Variants in NR5A1 observed in about 807,000 individuals in gnomAD.
The protein encoded by NR5A1 is steroidogenic factor 1.
In NR5A1, 6 loss-of-function variants were observed where a neutral mutation model predicts 42.7. The observed-to-expected ratio is 0.14, with a 90% confidence interval of 0.08 to 0.28. The LOEUF is 0.28. Ranked by LOEUF, NR5A1 falls within the 10% of genes least tolerant of loss-of-function variation. The probability of loss-of-function intolerance (pLI) is 1.00; values close to 1 mark genes in which losing one functional copy is unlikely to be tolerated. For synonymous variants in NR5A1, 274 were observed against 277.5 expected (o/e 0.99, Z 0.12); for missense variants, 442 against 626.4 (o/e 0.71, Z 3.14).
intron 6 of NR5A1, among the ~76,000 whole-genome samples, chr9:124,486,202 G>A (rs1023166802): frequency 3.3e-5 from 5 of 152,162 alleles, no homozygotes; most frequent in African/African-American, 4.8e-5. Flanking sequence ...GGAAACCCCC[G>A]ACTGCCCCCA....
At chr9:124,490,299 C>G (rs1241331307) in intron 6 of NR5A1, among the ~76,000 whole-genome samples, 1 of 152,218 alleles carries the variant, frequency 6.6e-6, no homozygotes, top group Non-Finnish European at 1.5e-5. Context: ...GGTCTTTTCA[C>G]GATTGGCAAG....
chr9:124,492,350 G>T (rs1315703938), intron 5 of NR5A1, among the ~76,000 whole-genome samples: 2 of 55,380 alleles, frequency 3.6e-5, no homozygotes, highest in African/African-American at 7.3e-5. Context: ...TGACCCCTCC[G>T]CCTGCCTCCT....
Position 124,491,064 on chromosome 9 carries a change from A to T in NR5A1, c.1138+17T>A. The T allele has an allele frequency of 2.4e-6, 3 of 1,243,772 alleles. No individual in the cohort carries two copies. Among genetic ancestry groups the T allele is most frequent in the Non-Finnish European group, 3.2e-6 (3 of 945,052 alleles). The allele number at this position is 1,243,772 out of a possible 1,614,324, so 77.0% of individuals were successfully genotyped here. A position where few individuals can be genotyped will look rare whatever the true frequency, so the allele number is the denominator to read the frequency against. On this transcript the variant is annotated intron_variant, in intron 6 of 6. Transcript: ENST00000373588. ...CTCTGGCTGTCTCCACCTCTCTGTC[A>T]CTGGAGCTGCACTCACCCAGGCTGA...
chr9:124,492,944 G>C (rs1271425880), intron 5 of NR5A1, 86 bp downstream of exon 5: 1 of 1,433,836 alleles, frequency 7.0e-7, no homozygotes, highest in African/African-American at 1.4e-5. Context: ...CGAGAGGCCT[G>C]GGTCCTCCTC....
In NR5A1 at chr9:124,500,852, G is replaced by T; in HGVS notation, c.245-137C>A. ...CTTTCATGGCTCCCACTGACCACAG[G>T]GGAAGTCAGTCTCCTTTGCCTGGCA... is the stretch of plus-strand genomic sequence containing the variant. On this transcript the variant is annotated intron_variant, in intron 3 of 6. Coordinates refer to ENST00000373588, the MANE Select transcript of NR5A1 (RefSeq NM_004959.5). This position sits in a 1 kb window ranked among gnomAD's most constrained non-coding sequence, Gnocchi z 6.9. 7.3e-7 allele frequency: 1 copy of T among 1,374,272 alleles called. No individual in the cohort carries two copies. Among genetic ancestry groups the T allele is most frequent in the Non-Finnish European group, 1.0e-6 (1 of 977,934 alleles). The allele number at this position is 1,374,272 out of a possible 1,614,324, so 85.1% of individuals were successfully genotyped here.
At position 124,500,825 on chromosome 9, in the gene NR5A1, C is replaced by A. The variant is rs1388880150; in HGVS notation, c.245-110G>T. On this transcript the variant is annotated intron_variant, in intron 3 of 6. Coordinates refer to ENST00000373588, the MANE Select transcript of NR5A1 (RefSeq NM_004959.5). The surrounding 1 kb of genome is among the most constrained non-coding windows in gnomAD (Gnocchi z 6.9). ...TGACCGCTCTCTCCCCTGCTCAACA[C>A]CCTTTCATGGCTCCCACTGACCACA... The A allele has an allele frequency of 6.5e-7, 1 of 1,535,156 alleles. No individual in the cohort carries two copies. Among genetic ancestry groups the A allele is most frequent in the Non-Finnish European group, 9.0e-7 (1 of 1,113,610 alleles).
chr9:124,485,586 C>T (rs1832195826), intron 6 of NR5A1, among the ~76,000 whole-genome samples: 1 of 152,188 alleles, frequency 6.6e-6, no homozygotes, highest in Admixed American at 6.5e-5. Flanking sequence ...GCACTTTCTT[C>T]CTCACTTCCC....
chr9:124,486,299 C>T (rs760548838), intron 6 of NR5A1, among the ~76,000 whole-genome samples: 24 of 152,176 alleles, frequency 1.6e-4, no homozygotes, highest in Non-Finnish European at 2.6e-4. Flanking sequence ...CCCAGTTTCC[C>T]GGGCACCCCC....
rs1832472868 is a variant in NR5A1, at chr9:124,501,644, C to T, written c.245-929G>A. Reference sequence around the variant, plus strand: ...CTGGGGTGGGCAGCGCTGTGCTGCTCGCAGGCTGCACGGGAGTTTCTACTG... The same window carrying T: ...CTGGGGTGGGCAGCGCTGTGCTGCTTGCAGGCTGCACGGGAGTTTCTACTG... On this transcript the variant is annotated intron_variant, in intron 3 of 6. Coordinates refer to ENST00000373588, the MANE Select transcript of NR5A1 (RefSeq NM_004959.5). This position sits in a 1 kb window ranked among gnomAD's most constrained non-coding sequence, Gnocchi z 4.1. Among the ~76,000 whole-genome samples the T allele has an allele frequency of 6.6e-6, 1 of 152,174 alleles. No individual in the cohort carries two copies. The highest frequency in any genetic ancestry group is 2.4e-5 in the African/African-American group (1 of 41,444).
intron 1 of NR5A1, among the ~76,000 whole-genome samples, chr9:124,504,267 G>T (rs973724611): frequency 6.6e-6 from 1 of 152,142 alleles, no homozygotes; most frequent in Non-Finnish European, 1.5e-5. Context: ...AGGCGGAAGC[G>T]CCCAGCCCGA....
In NR5A1 at chr9:124,482,708, G is replaced by GCCCCCCCC; in HGVS notation, c.*49_*50insGGGGGGGG. The GCCCCCCCC allele has an allele frequency of 1.8e-6, 1 of 558,006 alleles. No individual in the cohort carries two copies. The highest frequency in any genetic ancestry group is 3.2e-6 in the Non-Finnish European group (1 of 308,302). The allele number at this position is 558,006 out of a possible 1,614,324, so 34.6% of individuals were successfully genotyped here. On this transcript the variant is annotated 3_prime_UTR_variant, in exon 7 of 7. Coordinates refer to ENST00000373588, the MANE Select transcript of NR5A1 (RefSeq NM_004959.5). ...GCGGTGTGGCTGCGGCCCCGCCCAG[G>GCCCCCCCC]CCCCGCCCCCAGTCCCGCCCCCAGT...
chr9:124,484,089 A>G (rs1832171409), intron 6 of NR5A1, among the ~76,000 whole-genome samples: 1 of 152,154 alleles, frequency 6.6e-6, no homozygotes, highest in South Asian at 2.1e-4. Flanking sequence ...ACGCAAGCCT[A>G]TTTTACAATA....
intron 1 of NR5A1, among the ~76,000 whole-genome samples, chr9:124,505,814 G>T (rs1460322044): frequency 6.6e-6 from 1 of 152,176 alleles, no homozygotes; most frequent in Non-Finnish European, 1.5e-5. Flanking sequence ...CGGTCTTGGG[G>T]ACAAAGGGGT....
At position 124,501,231 on chromosome 9, in the gene NR5A1, C is replaced by A. The variant is rs1832466580; in HGVS notation, c.245-516G>T. Among the ~76,000 whole-genome samples the A allele has an allele frequency of 6.6e-6, 1 of 152,106 alleles. No individual in the cohort carries two copies. Among genetic ancestry groups the A allele is most frequent in the Non-Finnish European group, 1.5e-5 (1 of 68,030 alleles). ...ATAAGGCCTGGCAGGGAGATGGTGA[C>A]CGGAAGGGGACCCTGGTCAGCCTTG... On this transcript the variant is annotated intron_variant, in intron 3 of 6. Coordinates refer to ENST00000373588, the MANE Select transcript of NR5A1 (RefSeq NM_004959.5). The surrounding 1 kb of genome is among the most constrained non-coding windows in gnomAD (Gnocchi z 4.1).
rs1588613420 is a variant in NR5A1, at chr9:124,482,389, C to G, written c.*369G>C. ...AGAGGAGGAAGGGATGACCTCTGAT[C>G]CAAGGGACGTCGAGGCCCACCAGGG... On this transcript the variant is annotated 3_prime_UTR_variant, in exon 7 of 7. Transcript: ENST00000373588. The G allele has an allele frequency of 5.6e-6, 2 of 358,714 alleles. No individual in the cohort carries two copies. The highest frequency in any genetic ancestry group is 7.0e-5 in the East Asian group (1 of 14,308). 22.2% of individuals were successfully genotyped at this position (358,714 alleles called of 1,614,324 possible). A position where few individuals can be genotyped will look rare whatever the true frequency, so the allele number is the denominator to read the frequency against.
Position 124,500,411 on chromosome 9 carries a change from G to A in NR5A1, c.549C>T (p.Tyr183=), listed in dbSNP as rs1371946047. ...CACGGCCAGGAAAGGCAGGGTAGAG[G>A]TAGCCAGCCAGTGGCCCGTGGGCAC... ...VPGAHGPLAG[Y]LYPAFPGRAI... Residue 183 remains tyrosine (Y), a synonymous_variant, in exon 4 of 7, where the codon TAC becomes TAT. Coordinates refer to ENST00000373588, the MANE Select transcript of NR5A1 (RefSeq NM_004959.5). The surrounding 1 kb of genome is among the most constrained non-coding windows in gnomAD (Gnocchi z 6.9). 6.4e-7 allele frequency: 1 copy of A among 1,564,370 alleles called. No homozygotes were observed. The highest frequency in any genetic ancestry group is 8.7e-7 in the Non-Finnish European group (1 of 1,155,420).
At chr9:124,506,727 G>A (rs1337876906) in intron 1 of NR5A1, among the ~76,000 whole-genome samples, 2 of 152,160 alleles carry the variant, frequency 1.3e-5, no homozygotes, top group African/African-American at 4.8e-5. Flanking sequence ...CACCCCCACA[G>A]GTTCCAGGTT....
Position 124,481,807 on chromosome 9 carries a change from C to T in NR5A1, c.*951G>A, listed in dbSNP as rs957220539. Reference sequence around the variant, plus strand: ...GGGCTGGGGCTCAGAAGTAATGACCCAGCACCACCCCAAGGGTACTTAGTA... The same window carrying T: ...GGGCTGGGGCTCAGAAGTAATGACCTAGCACCACCCCAAGGGTACTTAGTA... On this transcript the variant is annotated 3_prime_UTR_variant, in exon 7 of 7. Coordinates refer to ENST00000373588, the MANE Select transcript of NR5A1 (RefSeq NM_004959.5). The T allele has an allele frequency of 2.6e-5, 4 of 152,224 alleles. No homozygotes were observed. Among genetic ancestry groups the T allele is most frequent in the Non-Finnish European group, 5.9e-5 (4 of 68,056 alleles). 9.4% of individuals were successfully genotyped at this position (152,224 alleles called of 1,614,324 possible).
chr9:124,490,596 T>C (rs903713976), intron 6 of NR5A1, among the ~76,000 whole-genome samples: 2 of 152,186 alleles, frequency 1.3e-5, no homozygotes, highest in African/African-American at 2.4e-5. Flanking sequence ...AATCATATTA[T>C]GCTCATGATC....
Sources: gnomAD v4.1 joint callset for allele counts (sites outside exome capture counted in the v4.1 genomes callset) on GRCh38, gnomAD v4.1.1 for gene constraint, Gnocchi (gnomAD v3.1) non-coding constraint, MANE v1.5 for transcripts, NCBI Gene and HGNC (gene_info 2026-07-23, HGNC 2026-07-21) for gene names.